The following KATNIP variants were observed in gnomAD, a reference collection of about 807,000 sequenced individuals.
KATNIP encodes katanin interacting protein, also known as katanin-interacting protein.
A neutral mutation model predicts 174.0 loss-of-function variants in KATNIP; 126 were observed. The observed-to-expected ratio is 0.72, with a 90% CI of 0.63 to 0.84. KATNIP has a LOEUF of 0.84. KATNIP is among the 40% of genes least tolerant of loss of function. The pLI is 0.00. For missense variants in KATNIP, 1,958 were observed against 2,109.7 expected (o/e 0.93, Z 1.41); for synonymous variants, 810 against 835.7 (o/e 0.97, Z 0.53).
At position 27,776,953 on chromosome 16, in the gene KATNIP, A is replaced by G; in HGVS notation, c.4475A>G (p.Asp1492Gly). The change falls in exon 25 of 28, where the codon GAT (aspartate) becomes GGT (glycine). Residue 1492 changes from aspartate to glycine, a missense_variant. By Grantham distance (94) the Asp-to-Gly change is moderately conservative. Around this residue, in one of 3 missense-constraint regions of KATNIP, gnomAD observed 383 missense variants for 456.0 expected, o/e 0.84. Coordinates refer to ENST00000261588, the MANE Select transcript of KATNIP (RefSeq NM_015202.5). This position sits in a 1 kb window ranked among gnomAD's most constrained non-coding sequence, Gnocchi z 4.7. The part of the protein sequence containing the change: ...GLVNRVYVIF[D>G]LPTTVSMIKL... ...GTGAACCGGGTTTATGTGATTTTCG[A>G]TCTGCCTACCACCGTGTCAATGATC... 6.2e-7 allele frequency: 1 copy of G among 1,613,562 alleles called. No homozygotes were observed. Among genetic ancestry groups the G allele is most frequent in the Non-Finnish European group, 8.5e-7 (1 of 1,179,494 alleles).
chr16:27,765,823 C>T (rs1030413557), intron 19 of KATNIP, among the ~76,000 whole-genome samples: 2 of 152,172 alleles, frequency 1.3e-5, no homozygotes, highest in African/African-American at 4.8e-5. Flanking sequence ...CATGATGGCA[C>T]CTTAACCCCT....
At chr16:27,588,193 A>AT (rs1431946752) in intron 2 of KATNIP, among the ~76,000 whole-genome samples, 2 of 151,524 alleles carry the variant, frequency 1.3e-5, no homozygotes, top group Admixed American at 6.6e-5. Context: ...TGCCTCTAGC[A>AT]TTTTTTTTCT....
At chr16:27,737,872 A>G (rs919493874) in intron 14 of KATNIP, among the ~76,000 whole-genome samples, 8 of 152,194 alleles carry the variant, frequency 5.3e-5, no homozygotes, top group African/African-American at 1.9e-4. Flanking sequence ...GATAACAGAT[A>G]TAAATCAGAA....
At chr16:27,618,076 G>T (rs2076091342) in intron 2 of KATNIP, among the ~76,000 whole-genome samples, 1 of 152,114 alleles carries the variant, frequency 6.6e-6, no homozygotes, top group Non-Finnish European at 1.5e-5. Context: ...GTTGCCTCTG[G>T]TTATGACAAT....
At chr16:27,577,295 A>T (rs2090535176) in intron 2 of KATNIP, among the ~76,000 whole-genome samples, 1 of 152,114 alleles carries the variant, frequency 6.6e-6, no homozygotes, top group African/African-American at 2.4e-5. Context: ...TTATCCCAGC[A>T]CTTTGGGAGA....
chr16:27,755,881 C>G (rs1335915710), intron 18 of KATNIP: 1 of 152,320 alleles, frequency 6.6e-6, no homozygotes, highest in East Asian at 1.9e-4. Context: ...GATCCACACA[C>G]CTTGGCCTCC....
chr16:27,729,741 C>G (rs888383606), intron 14 of KATNIP, among the ~76,000 whole-genome samples: 5 of 152,334 alleles, frequency 3.3e-5, no homozygotes, highest in African/African-American at 1.2e-4. Context: ...TCCTTCTCCA[C>G]TTCCTTTTTC....
intron 2 of KATNIP, among the ~76,000 whole-genome samples, chr16:27,575,752 A>G (rs1238083353): frequency 6.6e-6 from 1 of 152,142 alleles, no homozygotes; most frequent in African/African-American, 2.4e-5. Context: ...CAGAACAGCC[A>G]GTTTGCATTT....
intron 2 of KATNIP, among the ~76,000 whole-genome samples, chr16:27,581,887 C>T (rs1379312741): frequency 2.0e-5 from 3 of 152,160 alleles, no homozygotes; most frequent in Non-Finnish European, 4.4e-5. Flanking sequence ...ATAATAGTCT[C>T]CAGTTCTATC....
At chr16:27,597,500 C>T (rs1197568986) in intron 2 of KATNIP, among the ~76,000 whole-genome samples, 3 of 141,722 alleles carry the variant, frequency 2.1e-5, no homozygotes, top group Non-Finnish European at 3.0e-5. Context: ...CTTGCCTATT[C>T]TCCCTGGGCT....
intron 15 of KATNIP, among the ~76,000 whole-genome samples, chr16:27,744,797 C>T (rs1009528039): frequency 1.3e-5 from 2 of 151,292 alleles, no homozygotes; most frequent in Non-Finnish European, 3.0e-5. Context: ...GCATGAGAAT[C>T]GCTTGAGCTC....
At chr16:27,700,503 C>T (rs761316985) in intron 10 of KATNIP, among the ~76,000 whole-genome samples, 7 of 152,110 alleles carry the variant, frequency 4.6e-5, no homozygotes, top group Non-Finnish European at 8.8e-5. Flanking sequence ...TATCAGAGAG[C>T]GATGACAATC....
chr16:27,653,682 A>G (rs2077183754), intron 6 of KATNIP, among the ~76,000 whole-genome samples: 2 of 151,152 alleles, frequency 1.3e-5, no homozygotes, highest in Non-Finnish European at 2.9e-5. Flanking sequence ...TTTTTGAGAC[A>G]AAGTCTCGCT....
chr16:27,641,689 T>C (rs1453945493), intron 5 of KATNIP, among the ~76,000 whole-genome samples: 1 of 152,210 alleles, frequency 6.6e-6, no homozygotes, highest in Non-Finnish European at 1.5e-5. Context: ...TGAATGTGCG[T>C]GCGTGTAAAT....
In KATNIP at chr16:27,751,925, G is replaced by A; in HGVS notation, c.3552+1G>A. 6.2e-7 allele frequency: 1 copy of A among 1,605,158 alleles called. No individual in the cohort carries two copies. The highest frequency in any genetic ancestry group is 8.5e-7 in the Non-Finnish European group (1 of 1,177,338). ...GGCTGGCTTGGGGGCTGATGAACGG[G>A]TAGGACTGGAGCTGGGGGGCTGTGG... is the stretch of plus-strand genomic sequence containing the variant. On this transcript the variant is annotated splice_donor_variant, in intron 17 of 27. Transcript: ENST00000261588. LOFTEE classifies it high-confidence loss of function.
chr16:27,619,352 T>C (rs1276978850), intron 3 of KATNIP, among the ~76,000 whole-genome samples: 1 of 152,232 alleles, frequency 6.6e-6, no homozygotes, highest in Admixed American at 6.5e-5. Flanking sequence ...AGTTTTAAAA[T>C]GTTGGTAATG....
chr16:27,630,711 T>A (rs1405812783), intron 4 of KATNIP, among the ~76,000 whole-genome samples: 1 of 152,216 alleles, frequency 6.6e-6, no homozygotes, highest in Admixed American at 6.5e-5. Context: ...AGATTCACCC[T>A]CTACACTCTT....
rs2078676175 is a variant in KATNIP, at chr16:27,690,346, A to ATAGATAGATAGATAGATAGG, written c.941-7965_941-7964insAGGTAGATAGATAGATAGAT. ...GATAGATAGATAGATAGATAGATAG[A>ATAGATAGATAGATAGATAGG]TAGATAGATAGATAGATGATAGATA... On this transcript the variant is annotated intron_variant, in intron 8 of 27. Transcript: ENST00000261588. Among the ~76,000 whole-genome samples the ATAGATAGATAGATAGATAGG allele has an allele frequency of 2.3e-5, 3 of 128,012 alleles. No homozygotes were observed. In the South Asian group the frequency reaches 6.7e-4, roughly 29 times the overall value. 84.0% of individuals were successfully genotyped at this position (128,012 alleles called of 152,430 possible). A position where few individuals can be genotyped will look rare whatever the true frequency, so the allele number is the denominator to read the frequency against.
chr16:27,654,567 AG>A, intron 6 of KATNIP: 1 of 1,351,052 alleles, frequency 7.4e-7, no homozygotes, highest in Non-Finnish European at 9.8e-7. Flanking sequence ...AGGGACAGGA[AG>A]TTGTTTTTAC....
Sources: gnomAD v4.1 joint callset for allele counts (sites outside exome capture counted in the v4.1 genomes callset) on GRCh38, gnomAD v4.1.1 for gene constraint, gnomAD v4.1.1 regional missense constraint, Gnocchi (gnomAD v3.1) non-coding constraint, MANE v1.5 for transcripts, NCBI Gene and HGNC (gene_info 2026-07-23, HGNC 2026-07-21) for gene names.